GRIA4: variants seen among roughly 807,000 people sequenced by gnomAD.
GRIA4 encodes glutamate receptor 4.
GRIA4 carries 34 observed loss-of-function variants against 104.0 expected under a neutral mutation model. The ratio of observed to expected loss-of-function variants is 0.33; its 90% CI spans 0.25 to 0.44. GRIA4 has a LOEUF of 0.44. Ranked by LOEUF, GRIA4 falls within the 20% of genes least tolerant of loss-of-function variation. The pLI, the probability that GRIA4 is intolerant of heterozygous loss-of-function variation, is 1.00. For missense variants in GRIA4, 750 were observed against 1,096.5 expected (o/e 0.68, Z 4.46); for synonymous variants, 386 against 381.9 (o/e 1.01, Z -0.13).
chr11:105,915,728 T>C (rs957980494), intron 10 of GRIA4, among the ~76,000 whole-genome samples: 1 of 152,218 alleles, frequency 6.6e-6, no homozygotes, highest in Non-Finnish European at 1.5e-5. Flanking sequence ...TTCTTTAATC[T>C]TGTTCCCTAA....
intron 1 of GRIA4, 23 bp from the exon 2 acceptor site, chr11:105,610,885 T>G: frequency 1.3e-5 from 6 of 472,120 alleles, no homozygotes; most frequent in Admixed American, 7.2e-5. Context: ...TTTTTTTTTT[T>G]TTTTGGTTGA....
At chr11:105,655,624 G>C (rs1184483296) in intron 3 of GRIA4, among the ~76,000 whole-genome samples, 3 of 152,028 alleles carry the variant, frequency 2.0e-5, no homozygotes, top group African/African-American at 4.8e-5. Context: ...GAGAATGATG[G>C]TTTCCAGCTT....
chr11:105,753,160 T>C lies in GRIA4; in HGVS notation c.427T>C (p.Leu143=), dbSNP rs768679710. Residue 143 remains leucine (L), a synonymous_variant, in exon 4 of 17, where the codon TTG becomes CTG. Transcript: ENST00000282499. ...QLRPSLRGAL[L]SLLDHYEWNC... ...AAGACCTTCGTTACGAGGAGCACTC[T>C]TGAGTTTGCTGGATCACTACGAATG... 2 of 1,613,718 alleles carry C rather than the reference T, an allele frequency of 1.2e-6. No homozygotes were observed. Among genetic ancestry groups the C allele is most frequent in the Non-Finnish European group, 1.7e-6 (2 of 1,179,686 alleles).
chr11:105,958,795 C>T (rs906550703), intron 14 of GRIA4, among the ~76,000 whole-genome samples: 5 of 152,210 alleles, frequency 3.3e-5, no homozygotes, highest in East Asian at 3.9e-4. Flanking sequence ...GCTCCTGCAA[C>T]GCAGCCCTGG....
intron 4 of GRIA4, among the ~76,000 whole-genome samples, chr11:105,832,770 A>G (rs536823453): frequency 6.6e-6 from 1 of 152,168 alleles, no homozygotes; most frequent in African/African-American, 2.4e-5. Context: ...CTGGGACTCA[A>G]GGGTGGCTGA....
At chr11:105,929,922 T>C (rs77436827) in intron 13 of GRIA4, among the ~76,000 whole-genome samples, 12,675 of 152,176 alleles carry the variant, frequency 0.083, 583 homozygotes, top group African/African-American at 0.1. Flanking sequence ...CCCCATGCTT[T>C]GAGTTTCACA....
At chr11:105,645,948 A>C (rs1951515117) in intron 3 of GRIA4, among the ~76,000 whole-genome samples, 1 of 152,202 alleles carries the variant, frequency 6.6e-6, no homozygotes, top group African/African-American at 2.4e-5. Flanking sequence ...GGGGTAAAGA[A>C]AGATTTCCTA....
chr11:105,742,367 C>A (rs1274372993), intron 3 of GRIA4, among the ~76,000 whole-genome samples: 1 of 152,092 alleles, frequency 6.6e-6, no homozygotes, highest in Non-Finnish European at 1.5e-5. Context: ...CACCCACGCA[C>A]CTGCACATCT....
At chr11:105,776,566 T>C (rs1941458498) in intron 4 of GRIA4, among the ~76,000 whole-genome samples, 2 of 152,184 alleles carry the variant, frequency 1.3e-5, no homozygotes, top group Admixed American at 1.3e-4. Context: ...GTGAGATAAT[T>C]CATGTAAACT....
intron 3 of GRIA4, among the ~76,000 whole-genome samples, chr11:105,682,133 AC>A (rs1457346065): frequency 6.6e-6 from 1 of 152,226 alleles, no homozygotes; most frequent in Non-Finnish European, 1.5e-5. Flanking sequence ...GGTTCACATT[AC>A]ATTTCTACTA....
At chr11:105,702,278 T>C (rs758151765) in intron 3 of GRIA4, among the ~76,000 whole-genome samples, 5 of 152,278 alleles carry the variant, frequency 3.3e-5, no homozygotes, top group Admixed American at 6.5e-5. Context: ...TAAACCATAA[T>C]GTTTTATTAA....
intron 14 of GRIA4, among the ~76,000 whole-genome samples, chr11:105,966,417 T>G (rs1468133205): frequency 1.4e-5 from 2 of 142,650 alleles, no homozygotes; most frequent in South Asian, 2.1e-4. Flanking sequence ...GCCTGTCTTG[T>G]TTTTTTTCAC....
chr11:105,626,101 G>C (rs1950880002), intron 3 of GRIA4, among the ~76,000 whole-genome samples: 1 of 151,998 alleles, frequency 6.6e-6, no homozygotes, highest in Non-Finnish European at 1.5e-5. Flanking sequence ...GTTACATGTG[G>C]ATTCTTTTAA....
chr11:105,809,002 T>C (rs939951781), intron 4 of GRIA4, among the ~76,000 whole-genome samples: 7 of 152,096 alleles, frequency 4.6e-5, no homozygotes, highest in African/African-American at 1.4e-4. Context: ...TTTTTGAATA[T>C]AGTATGAATT....
intron 3 of GRIA4, among the ~76,000 whole-genome samples, chr11:105,723,321 G>A (rs889482525): frequency 2.0e-5 from 3 of 152,076 alleles, no homozygotes; most frequent in South Asian, 2.1e-4. Flanking sequence ...TAGCTGCCTT[G>A]AACTGTCGTT....
intron 4 of GRIA4, among the ~76,000 whole-genome samples, chr11:105,764,186 G>C (rs1940823294): frequency 1.3e-5 from 2 of 152,032 alleles, no homozygotes; most frequent in Non-Finnish European, 2.9e-5. Context: ...CACCAGGCTG[G>C]AATGCAGTGG....
intron 5 of GRIA4, among the ~76,000 whole-genome samples, chr11:105,877,855 TACTCCTTTA>T (rs1945891120): frequency 6.6e-6 from 1 of 152,338 alleles, no homozygotes; most frequent in African/African-American, 2.4e-5. Context: ...GGTTAGAACA[TACTCCTTTA>T]GCCTGCAGTA....
intron 3 of GRIA4, among the ~76,000 whole-genome samples, chr11:105,621,649 G>T (rs1384882078): frequency 6.6e-6 from 1 of 151,586 alleles, no homozygotes; most frequent in African/African-American, 2.4e-5. Flanking sequence ...ATTATTTCCA[G>T]GTCTTTGATA....
chr11:105,927,188 C>T (rs1947731908), intron 13 of GRIA4, among the ~76,000 whole-genome samples: 1 of 152,048 alleles, frequency 6.6e-6, no homozygotes, highest in Non-Finnish European at 1.5e-5. Context: ...ATTAAAACAA[C>T]TTTATAACAT....
Sources: gnomAD v4.1 joint callset for allele counts (sites outside exome capture counted in the v4.1 genomes callset) on GRCh38, gnomAD v4.1.1 for gene constraint, MANE v1.5 for transcripts, NCBI Gene and HGNC (gene_info 2026-07-23, HGNC 2026-07-21) for gene names.